PPP1R3B: variants seen among roughly 807,000 people sequenced by gnomAD.
PPP1R3B encodes PP1 subunit R4.
In PPP1R3B, 8 loss-of-function variants were observed where a neutral mutation model predicts 14.6. That is an observed-to-expected ratio of 0.55 (90% CI 0.32 to 0.99). PPP1R3B has a LOEUF of 0.99. Ranked by LOEUF, PPP1R3B falls within the 50% of genes least tolerant of loss-of-function variation. PPP1R3B has a pLI of 0.04. For missense variants in PPP1R3B, 452 were observed against 360.1 expected (o/e 1.26, Z -2.07); for synonymous variants, 169 against 142.0 (o/e 1.19, Z -1.35).
intron 1 of PPP1R3B, among the ~76,000 whole-genome samples, chr8:9,143,862 A>G (rs1046370559): frequency 9.8e-5 from 15 of 152,318 alleles, no homozygotes; most frequent in Middle Eastern, 3.4e-3. Flanking sequence ...AACAAAAACT[A>G]TATTTTCTTT....
At position 9,136,960 on chromosome 8, in the gene PPP1R3B, CCTT is replaced by C. The variant is rs1034359856; in HGVS notation, c.*3831_*3833del. On this transcript the variant is annotated 3_prime_UTR_variant, in exon 2 of 2. Transcript: ENST00000310455. ...TTAATGTCCATGACTACAACTAATG[CCTT>C]TTTTCAAAAAGAAAATGGTTTGAAA... is the stretch of plus-strand genomic sequence containing the variant. The C allele has an allele frequency of 6.6e-6, 1 of 152,142 alleles. No homozygotes were observed. Among genetic ancestry groups the C allele is most frequent in the Non-Finnish European group, 1.5e-5 (1 of 68,012 alleles). 9.4% of individuals were successfully genotyped at this position (152,142 alleles called of 1,614,324 possible). A position where few individuals can be genotyped will look rare whatever the true frequency, so the allele number is the denominator to read the frequency against.
rs1364175957 is a variant in PPP1R3B, at chr8:9,141,291, A to G, written c.361T>C (p.Tyr121His). 2 of 1,614,026 alleles carry G rather than the reference A, an allele frequency of 1.2e-6. No individual in the cohort carries two copies. Among genetic ancestry groups the G allele is most frequent in the Non-Finnish European group, 1.7e-6 (2 of 1,180,034 alleles). ...VLDFSQPSAD[Y>H]LDFRNRLQAD... Reference sequence around the variant, plus strand: ...TGAAGTCGATTTCTAAAGTCTAAGTAATCTGCAGAGGGCTGGGAAAAATCC... The same window carrying G: ...TGAAGTCGATTTCTAAAGTCTAAGTGATCTGCAGAGGGCTGGGAAAAATCC... The change falls in exon 2 of 2, where the codon TAC becomes CAC. Residue 121 changes from tyrosine (Y) to histidine (H), a missense_variant. By Grantham distance (83) the Tyr-to-His change is moderately conservative (BLOSUM62 2). Transcript: ENST00000310455.
At position 9,140,999 on chromosome 8, in the gene PPP1R3B, C is replaced by T. The variant is rs566501151; in HGVS notation, c.653G>A (p.Gly218Glu). 2.5e-4 allele frequency: 399 copies of T among 1,614,144 alleles called. 3 individuals are homozygous for T. In the South Asian group the frequency reaches 4.1e-3, roughly 17 times the overall value. The stretch of plus-strand genomic sequence containing the variant: ...TCTGTTGCTGTCCCAGTACGTCTGT[C>T]CATTGCACTCGTAGTACACAGCAAA... ...MEFAVYYECNGQTYWDSNRGK... is the reference protein window; with the variant it reads ...MEFAVYYECNEQTYWDSNRGK... The change falls in exon 2 of 2, where the codon GGA becomes GAA. Residue 218 changes from glycine to glutamate, a missense_variant. By Grantham distance (98) the Gly-to-Glu change is moderately conservative. Coordinates refer to ENST00000310455, the MANE Select transcript of PPP1R3B (RefSeq NM_024607.4).
At chr8:9,147,494 C>G (rs1801276491) in intron 1 of PPP1R3B, among the ~76,000 whole-genome samples, 1 of 152,188 alleles carries the variant, frequency 6.6e-6, no homozygotes, top group South Asian at 2.1e-4. Flanking sequence ...TGCAAACCAG[C>G]CTCCTACGTG....
At chr8:9,146,330 G>A (rs966959199) in intron 1 of PPP1R3B, among the ~76,000 whole-genome samples, 1 of 152,156 alleles carries the variant, frequency 6.6e-6, no homozygotes, top group Non-Finnish European at 1.5e-5. Flanking sequence ...TGGCACAGGT[G>A]TAGGTGTGTG....
rs193092593 is a variant in PPP1R3B at position 9,138,869 on chromosome 8, A to G, written c.*1925T>C. 3.9e-5 allele frequency: 6 copies of G among 152,010 alleles called. No individual in the cohort carries two copies. The highest frequency in any genetic ancestry group is 6.6e-5 in the Admixed American group (1 of 15,232). The allele number at this position is 152,010 out of a possible 1,614,324, so 9.4% of individuals were successfully genotyped here. A position where few individuals can be genotyped will look rare whatever the true frequency, so the allele number is the denominator to read the frequency against. ...TTAAAGCACCCCTAAGTAAACACCA[A>G]TCTTGCCCAAGAAAAATCACAGGTT... is the stretch of plus-strand genomic sequence containing the variant. On this transcript the variant is annotated 3_prime_UTR_variant, in exon 2 of 2. Transcript: ENST00000310455.
intron 1 of PPP1R3B, among the ~76,000 whole-genome samples, chr8:9,150,344 A>G (rs141983547): frequency 1.3e-5 from 2 of 152,278 alleles, no homozygotes; most frequent in East Asian, 3.9e-4. Flanking sequence ...CAAATCTTCC[A>G]GTAAGTCATT....
At chr8:9,149,269 G>A (rs1400993387) in intron 1 of PPP1R3B, among the ~76,000 whole-genome samples, 1 of 150,454 alleles carries the variant, frequency 6.6e-6, no homozygotes, top group African/African-American at 2.4e-5. Context: ...GGGAGGCCGA[G>A]GCGGGCAGAT....
chr8:9,142,063 G>C (rs1801108489), intron 1 of PPP1R3B, among the ~76,000 whole-genome samples: 1 of 152,194 alleles, frequency 6.6e-6, no homozygotes, highest in South Asian at 2.1e-4. Flanking sequence ...GACTAAAAGG[G>C]TGTCTTCCAC....
chr8:9,151,535 G>C (rs952347278), upstream of PPP1R3B: 1 of 226,860 alleles, frequency 4.4e-6, no homozygotes, highest in African/African-American at 2.4e-5. Context: ...AGTCACCCGG[G>C]ACTCGAGCTC....
chr8:9,149,517 A>G (rs1460549161), intron 1 of PPP1R3B, among the ~76,000 whole-genome samples: 3 of 152,170 alleles, frequency 2.0e-5, no homozygotes, highest in Non-Finnish European at 4.4e-5. Flanking sequence ...ACAAACAAAC[A>G]AAACCAAACA....
rs1444713349 is a variant in PPP1R3B, at chr8:9,140,677, A to T, written c.*117T>A. On this transcript the variant is annotated 3_prime_UTR_variant, in exon 2 of 2. Coordinates refer to ENST00000310455, the MANE Select transcript of PPP1R3B (RefSeq NM_024607.4). ...GTGAAGAGGATCCTTTTATTTTCCC[A>T]AACGGGGCCTCATGGAAGTTCCACG... 5.5e-6 allele frequency: 6 copies of T among 1,085,480 alleles called. No homozygotes were observed. The highest frequency in any genetic ancestry group is 2.4e-5 in the East Asian group (1 of 41,004). 67.2% of individuals were successfully genotyped at this position (1,085,480 alleles called of 1,614,324 possible).
chr8:9,151,116 A>G (rs552150185), upstream of PPP1R3B, among the ~76,000 whole-genome samples: 31 of 152,232 alleles, frequency 2.0e-4, no homozygotes, highest in African/African-American at 7.0e-4. Context: ...AGCGCGGTGG[A>G]GCACGTGGGC....
At chr8:9,141,788 C>T (rs770652325) in intron 1 of PPP1R3B, 120 bp from the exon 2 acceptor site, 1 of 966,988 alleles carries the variant, frequency 1.0e-6, no homozygotes, top group African/African-American at 1.7e-5. Context: ...TCTATGCCCA[C>T]CTGGCTACAG....
At chr8:9,143,677 C>T (rs1801155748) in intron 1 of PPP1R3B, among the ~76,000 whole-genome samples, 1 of 151,998 alleles carries the variant, frequency 6.6e-6, no homozygotes, top group African/African-American at 2.4e-5. Context: ...GCCTGGGCCA[C>T]AGAGCAAGAC....
At chr8:9,148,412 T>C (rs1450937588) in intron 1 of PPP1R3B, among the ~76,000 whole-genome samples, 2 of 152,154 alleles carry the variant, frequency 1.3e-5, no homozygotes, top group South Asian at 2.1e-4. Flanking sequence ...CCAGAAGTTA[T>C]GGACATACAT....
rs760869337 is a variant in PPP1R3B at position 9,141,055 on chromosome 8, G to A, written c.597C>T (p.Pro199=). 9.9e-6 allele frequency: 16 copies of A among 1,614,102 alleles called. No individual in the cohort carries two copies. The highest frequency in any genetic ancestry group is 4.5e-5 in the East Asian group (2 of 44,880). Residue 199 remains proline, a synonymous_variant, in exon 2 of 2, where the codon CCC becomes CCT. Coordinates refer to ENST00000310455, the MANE Select transcript of PPP1R3B (RefSeq NM_024607.4). ...RDTFSFDISL[P]EKIQSYERME... is the part of the protein sequence containing the mutation. ...TTCTTTCATAAGACTGAATCTTCTC[G>A]GGCAAGCTGATGTCGAAGGAGAACG...
intron 1 of PPP1R3B, among the ~76,000 whole-genome samples, chr8:9,148,067 C>T (rs1182174749): frequency 3.3e-5 from 5 of 152,194 alleles, no homozygotes; most frequent in African/African-American, 1.2e-4. Context: ...CCAGGTCATT[C>T]TCCAAGAATC....
chr8:9,146,583 C>G (rs1801248434), intron 1 of PPP1R3B, among the ~76,000 whole-genome samples: 1 of 152,190 alleles, frequency 6.6e-6, no homozygotes, highest in South Asian at 2.1e-4. Flanking sequence ...TGCAAGAAAC[C>G]CTTACAGATG....
Sources: gnomAD v4.1 joint callset for allele counts (sites outside exome capture counted in the v4.1 genomes callset) on GRCh38, gnomAD v4.1.1 for gene constraint, MANE v1.5 for transcripts, NCBI Gene and HGNC (gene_info 2026-07-23, HGNC 2026-07-21) for gene names.